TRIM33: variants seen among roughly 807,000 people sequenced by gnomAD.
The protein encoded by TRIM33 is tripartite motif containing 33, also known as E3 ubiquitin-protein ligase TRIM33.
In TRIM33, 20 loss-of-function variants were observed where a neutral mutation model predicts 125.4. The ratio of observed to expected loss-of-function variants is 0.16; its 90% confidence interval spans 0.11 to 0.23. TRIM33 has a LOEUF of 0.23. TRIM33 is among the 10% of genes least tolerant of loss of function. The pLI is 1.00. For synonymous variants in TRIM33, 564 were observed against 513.9 expected, an observed-to-expected ratio of 1.10 and a Z score of -1.32; for missense variants, 920 against 1,411.4, an observed-to-expected ratio of 0.65 and a Z score of 5.58.
chr1:114,411,095 A>G (rs1349405716), intron 11 of TRIM33, among the ~76,000 whole-genome samples: 1 of 152,218 alleles, frequency 6.6e-6, no homozygotes, highest in Non-Finnish European at 1.5e-5. Flanking sequence ...ACTGAAGAGC[A>G]GTGGCATCAT....
intron 1 of TRIM33, among the ~76,000 whole-genome samples, chr1:114,474,704 C>T (rs567246555): frequency 6.6e-6 from 1 of 151,168 alleles, no homozygotes; most frequent in African/African-American, 2.4e-5. Flanking sequence ...CAAGCCTGAC[C>T]AACATGGAGA....
At chr1:114,469,452 T>C (rs894503411) in intron 1 of TRIM33, among the ~76,000 whole-genome samples, 1 of 152,236 alleles carries the variant, frequency 6.6e-6, no homozygotes, top group East Asian at 1.9e-4. Flanking sequence ...CTGTTCAAAC[T>C]GTTGACATAA....
At chr1:114,494,716 G>A (rs1010128860) in intron 1 of TRIM33, among the ~76,000 whole-genome samples, 3 of 152,120 alleles carry the variant, frequency 2.0e-5, no homozygotes, top group African/African-American at 4.8e-5. Context: ...GGACTTTACC[G>A]GTTCTCACAG....
Position 114,482,299 on chromosome 1 carries a change from A to T in TRIM33, c.527-17911T>A, listed in dbSNP as rs182132808. ...AGGAAAAAAACATCTAAAAGCAATCATCTCAACATGCCCCTCATTAAGCTC... is the reference window on the plus strand; with the variant it reads ...AGGAAAAAAACATCTAAAAGCAATCTTCTCAACATGCCCCTCATTAAGCTC... On this transcript the variant is annotated intron_variant, in intron 1 of 19. Coordinates refer to ENST00000358465, the MANE Select transcript of TRIM33 (RefSeq NM_015906.4). Among the ~76,000 whole-genome samples the T allele has an allele frequency of 2.2e-4, 33 of 152,340 alleles. No individual in the cohort carries two copies. In the East Asian group the frequency reaches 6.0e-3, roughly 28 times the overall value.
chr1:114,447,647 G>A (rs552375513), intron 4 of TRIM33, among the ~76,000 whole-genome samples: 1 of 152,286 alleles, frequency 6.6e-6, no homozygotes, highest in South Asian at 2.1e-4. Flanking sequence ...ATAGATAATG[G>A]TGTAAACCCT....
chr1:114,435,306 T>C (rs1427106918), intron 4 of TRIM33, among the ~76,000 whole-genome samples: 5 of 152,166 alleles, frequency 3.3e-5, no homozygotes, highest in Non-Finnish European at 7.3e-5. Flanking sequence ...ATCAGTGAGA[T>C]CAGCAGATTT....
chr1:114,430,883 C>T lies in TRIM33; in HGVS notation c.1070G>A (p.Arg357Gln). 6.2e-7 allele frequency: 1 copy of T among 1,606,746 alleles called. No homozygotes were observed. The highest frequency in any genetic ancestry group is 8.5e-7 in the Non-Finnish European group (1 of 1,173,650). Residue 357 changes from arginine to glutamine, a missense_variant, in exon 6 of 20, where the codon CGA (arginine) becomes CAA (glutamine). Physicochemically the swap from Arg to Gln is conservative, Grantham distance 43. This residue lies in a region of TRIM33 where 50 missense variants were observed against 110.8 expected (regional missense o/e 0.45). Coordinates refer to ENST00000358465, the MANE Select transcript of TRIM33 (RefSeq NM_015906.4). ...GGCCACTTTAATTTCCTGTTCTACT[C>T]GTTTGTTAGTCTCATTTACTTCTTT... is the stretch of plus-strand genomic sequence containing the variant. ...RIKEVNETNK[R>Q]VEQEIKVAIF...
intron 1 of TRIM33, among the ~76,000 whole-genome samples, chr1:114,498,732 A>T (rs892236407): frequency 6.6e-6 from 1 of 152,210 alleles, no homozygotes. Context: ...AAGAAAACAA[A>T]GGGAAGGAAA....
At chr1:114,464,237 G>C (rs576421228) in intron 2 of TRIM33, 33 bp downstream of exon 2, 1 of 1,169,978 alleles carries the variant, frequency 8.5e-7, no homozygotes, top group African/African-American at 1.6e-5. Flanking sequence ...TTGATATCAA[G>C]ATAGGAATAT....
intron 15 of TRIM33, among the ~76,000 whole-genome samples, chr1:114,403,552 T>G (rs1390868866): frequency 6.6e-6 from 1 of 151,968 alleles, no homozygotes; most frequent in Non-Finnish European, 1.5e-5. Context: ...TCTATTTTTT[T>G]TGAGACACAG....
At chr1:114,476,172 T>C (rs1650966934) in intron 1 of TRIM33, among the ~76,000 whole-genome samples, 1 of 151,772 alleles carries the variant, frequency 6.6e-6, no homozygotes, top group Non-Finnish European at 1.5e-5. Context: ...TATGTCTGTG[T>C]AATATTTAAA....
At chr1:114,491,781 G>C (rs1652086349) in intron 1 of TRIM33, among the ~76,000 whole-genome samples, 1 of 152,156 alleles carries the variant, frequency 6.6e-6, no homozygotes, top group African/African-American at 2.4e-5. Context: ...TCCAGCCTGG[G>C]TGATAGAGCA....
intron 1 of TRIM33, among the ~76,000 whole-genome samples, chr1:114,498,095 C>A (rs182272372): frequency 6.0e-4 from 83 of 138,750 alleles, no homozygotes; most frequent in African/African-American, 2.1e-3. Flanking sequence ...CCACTGCACT[C>A]CAGCCTGGGC....
At chr1:114,430,338 G>A (rs1055745190) in intron 6 of TRIM33, among the ~76,000 whole-genome samples, 3 of 151,946 alleles carry the variant, frequency 2.0e-5, no homozygotes, top group Non-Finnish European at 2.9e-5. Context: ...TTGACCTCCC[G>A]GGCTCAGTCG....
chr1:114,485,399 G>C (rs896111673), intron 1 of TRIM33, among the ~76,000 whole-genome samples: 1 of 152,108 alleles, frequency 6.6e-6, no homozygotes, highest in African/African-American at 2.4e-5. Flanking sequence ...AAGGGGGTAA[G>C]AGACCAGGCA....
At position 114,444,304 on chromosome 1, in the gene TRIM33, T is replaced by C. The variant is rs765368508; in HGVS notation, c.924-10571A>G. On this transcript the variant is annotated intron_variant, in intron 4 of 19. Coordinates refer to ENST00000358465, the MANE Select transcript of TRIM33 (RefSeq NM_015906.4). ...GTTCTTGGTCAAAGTCTGGGCTATATATGACAGGGTGAGATTACACAAAGT... is the reference window on the plus strand; with the variant it reads ...GTTCTTGGTCAAAGTCTGGGCTATACATGACAGGGTGAGATTACACAAAGT... Among the ~76,000 whole-genome samples the C allele has an allele frequency of 4.7e-4, 71 of 152,176 alleles. 1 individual carries two copies. The highest frequency in any genetic ancestry group is 2.0e-4 in the Admixed American group (3 of 15,278).
chr1:114,440,124 C>A (rs1368006843), intron 4 of TRIM33, among the ~76,000 whole-genome samples: 1 of 152,106 alleles, frequency 6.6e-6, no homozygotes, highest in Non-Finnish European at 1.5e-5. Context: ...CTCAAAAAGA[C>A]TGAATGACAA....
intron 1 of TRIM33, among the ~76,000 whole-genome samples, chr1:114,490,105 G>GAAAAAA (rs1354727485): frequency 1.0e-5 from 1 of 100,456 alleles, no homozygotes. Context: ...AAAAAAAAAA[G>GAAAAAA]AAAAGGAAAG....
chr1:114,456,431 G>A (rs1241654946), intron 4 of TRIM33, among the ~76,000 whole-genome samples: 2 of 152,132 alleles, frequency 1.3e-5, no homozygotes, highest in Non-Finnish European at 2.9e-5. Context: ...AAAGCAGATG[G>A]CTCATGGAGA....
Sources: gnomAD v4.1 joint callset for allele counts (sites outside exome capture counted in the v4.1 genomes callset) on GRCh38, gnomAD v4.1.1 for gene constraint, gnomAD v4.1.1 regional missense constraint, MANE v1.5 for transcripts, NCBI Gene and HGNC (gene_info 2026-07-23, HGNC 2026-07-21) for gene names.